SMARCB1: variants seen among roughly 807,000 people sequenced by gnomAD.
SMARCB1 encodes the protein SWI/SNF-related matrix-associated actin-dependent regulator of chromatin subfamily B member 1.
SMARCB1 carries 5 observed loss-of-function variants against 49.0 expected under a neutral mutation model. The ratio of observed to expected loss-of-function variants is 0.10; its 90% confidence interval spans 0.05 to 0.21. The LOEUF is 0.21. Ranked by LOEUF, SMARCB1 falls within the 10% of genes least tolerant of loss-of-function variation. The probability of loss-of-function intolerance (pLI) is 1.00; values close to 1 mark genes in which losing one functional copy is unlikely to be tolerated. For missense variants in SMARCB1, 226 were observed against 509.2 expected (o/e 0.44, Z 5.35); for synonymous variants, 201 against 200.1 (o/e 1.00, Z -0.04).
Position 23,836,769 on chromosome 22 carries a change from A to G in SMARCB1, c.*2589A>G, listed in dbSNP as rs1395758907. ...TCTGTTTATTCAGGTGGGCCCTTGCATGGGCCCAGCCTTTAGGATGGGTTT... is the reference window on the plus strand; with the variant it reads ...TCTGTTTATTCAGGTGGGCCCTTGCGTGGGCCCAGCCTTTAGGATGGGTTT... On this transcript the variant is annotated 3_prime_UTR_variant, in exon 9 of 9. Coordinates refer to ENST00000644036, the MANE Select transcript of SMARCB1 (RefSeq NM_003073.5). 5.7e-6 allele frequency: 8 copies of G among 1,395,252 alleles called. No individual in the cohort carries two copies. Among genetic ancestry groups the G allele is most frequent in the Non-Finnish European group, 7.4e-6 (8 of 1,076,312 alleles). 86.4% of individuals were successfully genotyped at this position (1,395,252 alleles called of 1,614,324 possible). A position where few individuals can be genotyped will look rare whatever the true frequency, so the allele number is the denominator to read the frequency against.
intron 1 of SMARCB1, among the ~76,000 whole-genome samples, chr22:23,791,036 A>T (rs1399856661): frequency 1.3e-5 from 2 of 152,156 alleles, no homozygotes; most frequent in Non-Finnish European, 2.9e-5. Context: ...TGGAGCCAGC[A>T]CCTGGCACCC....
chr22:23,796,773 G>T (rs887741275), intron 3 of SMARCB1, among the ~76,000 whole-genome samples: 2 of 152,178 alleles, frequency 1.3e-5, no homozygotes, highest in African/African-American at 4.8e-5. Context: ...ATCATGTCGT[G>T]AGGAACAGCT....
At chr22:23,810,577 A>G (rs564862740) in intron 5 of SMARCB1, among the ~76,000 whole-genome samples, 1 of 151,744 alleles carries the variant, frequency 6.6e-6, no homozygotes, top group Non-Finnish European at 1.5e-5. Context: ...AAGAAGAAAC[A>G]TTGAGACATC....
intron 6 of SMARCB1, among the ~76,000 whole-genome samples, chr22:23,820,959 A>G (rs1009909800): frequency 1.4e-4 from 22 of 152,242 alleles, no homozygotes; most frequent in African/African-American, 5.1e-4. Flanking sequence ...AAGGGGCCTC[A>G]TGAAGCCTGA....
In SMARCB1 at chr22:23,814,371, A is replaced by G. The variant is rs35270167; in HGVS notation, c.629-2399A>G. 5.4e-3 allele frequency among the ~76,000 whole-genome samples: 819 copies of G among 152,328 alleles called. 6 individuals are homozygous for G. Among genetic ancestry groups the G allele is most frequent in the African/African-American group, 0.019 (786 of 41,562 alleles). ...AAAATGGCACTGGAGCAATTAGACA[A>G]TCATAGGCAAGTAGGCTGGCACAGT... is the stretch of plus-strand genomic sequence containing the variant. On this transcript the variant is annotated intron_variant, in intron 5 of 8. Transcript: ENST00000644036.
chr22:23,797,289 G>C (rs374207021), intron 3 of SMARCB1, among the ~76,000 whole-genome samples: 2,161 of 135,474 alleles, frequency 0.016, 32 homozygotes, highest in South Asian at 0.092. Flanking sequence ...TGAGCCACCG[G>C]GCCTGGCCTG....
At chr22:23,787,707 A>G (rs941374060) in intron 1 of SMARCB1, among the ~76,000 whole-genome samples, 1 of 152,122 alleles carries the variant, frequency 6.6e-6, no homozygotes, top group Admixed American at 6.6e-5. Context: ...CCCTGGACTT[A>G]GTGAGGGCTC....
intron 3 of SMARCB1, among the ~76,000 whole-genome samples, chr22:23,799,068 A>G (rs1341273411): frequency 1.3e-5 from 2 of 150,770 alleles, no homozygotes; most frequent in East Asian, 3.9e-4. Flanking sequence ...AAAAAAAAAA[A>G]GTTTGTCATG....
In SMARCB1 at chr22:23,837,863, G is replaced by A; in HGVS notation, c.*3683G>A. On this transcript the variant is annotated 3_prime_UTR_variant, in exon 9 of 9. Transcript: ENST00000644036. ...CCCAGGAGTCCCAGCAGCTGGGCCA[G>A]AGTCAAGGTGCTCCGGTGCAGGCCT... 1 of 1,608,376 alleles carries A rather than the reference G, an allele frequency of 6.2e-7. No individual in the cohort carries two copies. Among genetic ancestry groups the A allele is most frequent in the Non-Finnish European group, 8.5e-7 (1 of 1,176,662 alleles).
At chr22:23,818,137 G>GGGGT (rs1311439174) in intron 6 of SMARCB1, 2,108 of 133,026 alleles carry the variant, frequency 0.016, 35 homozygotes, top group Non-Finnish European at 0.018. Flanking sequence ...AAATACTTTG[G>GGGGT]GTGTGTGTGT....
chr22:23,811,760 C>T (rs926487938), intron 5 of SMARCB1, among the ~76,000 whole-genome samples: 3 of 152,038 alleles, frequency 2.0e-5, no homozygotes, highest in Non-Finnish European at 4.4e-5. Flanking sequence ...TTCCTCAAGT[C>T]GATAATCTAA....
At chr22:23,814,215 TGG>T in intron 5 of SMARCB1, among the ~76,000 whole-genome samples, 1 of 152,194 alleles carries the variant, frequency 6.6e-6, no homozygotes, top group East Asian at 1.9e-4. Flanking sequence ...CAAGGCTGTG[TGG>T]TATTGGTGGA....
chr22:23,796,219 A>G (rs1444102743), intron 3 of SMARCB1, among the ~76,000 whole-genome samples: 1 of 152,176 alleles, frequency 6.6e-6, no homozygotes, highest in African/African-American at 2.4e-5. Flanking sequence ...TAAACCCACT[A>G]TATGTACAGA....
At position 23,834,464 on chromosome 22, in the gene SMARCB1, G is replaced by A. The variant is rs1423638268; in HGVS notation, c.*284G>A. The A allele has an allele frequency of 1.5e-6, 1 of 683,508 alleles. No individual in the cohort carries two copies. Among genetic ancestry groups the A allele is most frequent in the South Asian group, 1.5e-5 (1 of 66,684 alleles). The allele number at this position is 683,508 out of a possible 1,614,324, so 42.3% of individuals were successfully genotyped here. A position where few individuals can be genotyped will look rare whatever the true frequency, so the allele number is the denominator to read the frequency against. The stretch of plus-strand genomic sequence containing the variant: ...GTTTTTGTATAGGAGCCCCAGGCAG[G>A]GCTAGTAACAGTTTTTAAATAAAAG... On this transcript the variant is annotated 3_prime_UTR_variant, in exon 9 of 9. Transcript: ENST00000644036.
At chr22:23,809,738 C>G (rs1057229574) in intron 5 of SMARCB1, among the ~76,000 whole-genome samples, 2 of 151,764 alleles carry the variant, frequency 1.3e-5, no homozygotes, top group African/African-American at 2.4e-5. Flanking sequence ...TCATGAGAAA[C>G]TGGAGGCTAG....
rs71184912 is a variant in SMARCB1, at chr22:23,799,679, A to ATTTTTTTTT, written c.363-1250_363-1242dup. On this transcript the variant is annotated intron_variant, in intron 3 of 8. Coordinates refer to ENST00000644036, the MANE Select transcript of SMARCB1 (RefSeq NM_003073.5). ...AGGTTCCTGCCATCACACCTGGCTAATTTTTTTTTTTTTTTTTTTTTTTGA... is the reference window on the plus strand; with the variant it reads ...AGGTTCCTGCCATCACACCTGGCTAATTTTTTTTTTTTTTTTTTTTTTTTTTTTTTTTGA... Among the ~76,000 whole-genome samples, 468 of 68,388 alleles carry ATTTTTTTTT rather than the reference A, an allele frequency of 6.8e-3. 55 individuals are homozygous for ATTTTTTTTT. The highest frequency in any genetic ancestry group is 0.024 in the African/African-American group (413 of 17,176). 44.9% of individuals were successfully genotyped at this position (68,388 alleles called of 152,430 possible).
intron 4 of SMARCB1, chr22:23,802,551 C>A: frequency 6.3e-6 from 1 of 159,090 alleles, no homozygotes. Context: ...TGCCCCTTTC[C>A]CTGTCTGTTT....
intron 5 of SMARCB1, 191 bp from the exon 6 acceptor site, chr22:23,816,579 A>G (rs1930207730): frequency 6.0e-6 from 4 of 668,682 alleles, no homozygotes; most frequent in Non-Finnish European, 1.1e-5. Flanking sequence ...GTGCAGGATG[A>G]GGGCTGGGGG....
chr22:23,803,429 G>A lies in SMARCB1; in HGVS notation c.628+7G>A, dbSNP rs766427184. 1.2e-6 allele frequency: 2 copies of A among 1,614,066 alleles called. No homozygotes were observed. Among genetic ancestry groups the A allele is most frequent in the South Asian group, 2.2e-5 (2 of 91,090 alleles). On this transcript the variant is annotated splice_region_variant and intron_variant, in intron 5 of 8. Transcript: ENST00000644036. ...TTCACCTGGAACATGAATGGTACAA[G>A]GCAGTCGGGCTTGGCTGGGCCTGGC...
Sources: gnomAD v4.1 joint callset for allele counts (sites outside exome capture counted in the v4.1 genomes callset) on GRCh38, gnomAD v4.1.1 for gene constraint, MANE v1.5 for transcripts, NCBI Gene and HGNC (gene_info 2026-07-23, HGNC 2026-07-21) for gene names.